The following CD163L1 variants were observed in gnomAD, a reference collection of about 807,000 sequenced individuals.
The protein encoded by CD163L1 is scavenger receptor cysteine-rich type 1 protein M160.
Under a neutral mutation model 165.4 loss-of-function variants are expected in CD163L1, and 124 were observed. The observed-to-expected ratio is 0.75, with a 90% CI of 0.65 to 0.87. The LOEUF (loss-of-function observed/expected upper bound fraction) is 0.87, where lower values mean the gene tolerates loss of function less well. Ranked by LOEUF, CD163L1 falls within the 40% of genes least tolerant of loss-of-function variation. The probability of loss-of-function intolerance (pLI) is 0.00; values close to 1 mark genes in which losing one functional copy is unlikely to be tolerated. For synonymous variants in CD163L1, 585 were observed against 662.2 expected, an observed-to-expected ratio of 0.88 and a Z score of 1.79; for missense variants, 1,525 against 1,799.9, an observed-to-expected ratio of 0.85 and a Z score of 2.76.
At chr12:7,324,597 A>G in the CD163L1 span, 1 of 1,613,722 alleles carries the variant, frequency 6.2e-7, no homozygotes, top group Non-Finnish European at 8.5e-7. Context: ...ATCCGCGGAG[A>G]GGTAGATGAA....
At chr12:7,438,364 TAC>T (rs1948767749) in intron 2 of CD163L1, among the ~76,000 whole-genome samples, 1 of 152,200 alleles carries the variant, frequency 6.6e-6, no homozygotes, top group Non-Finnish European at 1.5e-5. Flanking sequence ...CTCTATTAAA[TAC>T]ATTTTTATAA....
At chr12:7,326,390 T>C in the CD163L1 span, among the ~76,000 whole-genome samples, 6 of 152,152 alleles carry the variant, frequency 3.9e-5, no homozygotes, top group Non-Finnish European at 7.4e-5. Context: ...TTTAAGTCTT[T>C]GTAGAGATGG....
intron 2 of CD163L1, among the ~76,000 whole-genome samples, chr12:7,435,859 A>G (rs1446771152): frequency 1.3e-5 from 2 of 152,172 alleles, no homozygotes; most frequent in East Asian, 1.9e-4. Flanking sequence ...ATTTTACTTA[A>G]CGAAAACTTA....
At chr12:7,337,502 G>A in the CD163L1 span, among the ~76,000 whole-genome samples, 1 of 152,084 alleles carries the variant, frequency 6.6e-6, no homozygotes, top group East Asian at 1.9e-4. Context: ...ATCAAAAAGT[G>A]GGCAAAGGAT....
In CD163L1 at chr12:7,369,545, C is replaced by A. The variant is rs765506613; in HGVS notation, c.3851G>T (p.Cys1284Phe). ...SWDLAEAEVV[C>F]QQLGCGSALA... ...AGCAGAGCCACAGCCCAGCTGCTGA[C>A]ACACCACTTCCGCCTCGGCCAGGTC... Residue 1284 changes from cysteine (C) to phenylalanine (F), a missense_variant, in exon 15 of 20, where the codon TGT becomes TTT. Transcript: ENST00000313599. The surrounding 1 kb of genome is among the most constrained non-coding windows in gnomAD (Gnocchi z 4.9). 6.2e-7 allele frequency: 1 copy of A among 1,614,196 alleles called. No individual in the cohort carries two copies. The highest frequency in any genetic ancestry group is 8.5e-7 in the Non-Finnish European group (1 of 1,180,038).
intron 6 of CD163L1, among the ~76,000 whole-genome samples, chr12:7,402,823 G>C (rs921260542): frequency 1.3e-5 from 2 of 151,788 alleles, no homozygotes; most frequent in South Asian, 4.2e-4. Flanking sequence ...TTTTGCAGAG[G>C]GAGTCTTGCT....
intron 9 of CD163L1, among the ~76,000 whole-genome samples, chr12:7,377,926 G>T (rs2136438262): frequency 6.6e-6 from 1 of 152,118 alleles, no homozygotes; most frequent in South Asian, 2.1e-4. Flanking sequence ...ACATATGTAG[G>T]ACTCTAATAG....
chr12:7,421,606 CATATACATATAT>C (rs1565810767), intron 4 of CD163L1, among the ~76,000 whole-genome samples: 7 of 3,666 alleles, frequency 1.9e-3, no homozygotes, highest in Non-Finnish European at 6.6e-3. Flanking sequence ...TATATGTACA[CATATACATATAT>C]GTACATATAT....
rs1947251275 is a variant in CD163L1 at position 7,375,609 on chromosome 12, A to G, written c.2687-14T>C. 1.2e-6 allele frequency: 2 copies of G among 1,611,186 alleles called. No individual in the cohort carries two copies. The highest frequency in any genetic ancestry group is 1.7e-5 in the Admixed American group (1 of 59,978). The stretch of plus-strand genomic sequence containing the variant: ...CATCTGTATATCCTAGGAGGAGACA[A>G]GGCCATAGAAGAGACATCATGACTT... On this transcript the variant is annotated splice_polypyrimidine_tract_variant and intron_variant, in intron 10 of 19. Transcript: ENST00000313599.
chr12:7,390,241 AC>A (rs989010220), intron 8 of CD163L1, among the ~76,000 whole-genome samples: 1 of 151,924 alleles, frequency 6.6e-6, no homozygotes, highest in Non-Finnish European at 1.5e-5. Flanking sequence ...GTTAATAGGT[AC>A]AAACATACAG....
intron 6 of CD163L1, among the ~76,000 whole-genome samples, chr12:7,401,044 G>A (rs1412129500): frequency 3.3e-5 from 5 of 152,056 alleles, no homozygotes; most frequent in African/African-American, 9.7e-5. Flanking sequence ...TTGTTATCAA[G>A]GAAGTAAGAT....
intron 6 of CD163L1, among the ~76,000 whole-genome samples, chr12:7,399,178 C>T (rs765950577): frequency 6.6e-6 from 1 of 151,372 alleles, no homozygotes; most frequent in Non-Finnish European, 1.5e-5. Context: ...CTTCCGCCCT[C>T]CCTCTTTTCT....
chr12:7,369,088 G>A lies in CD163L1; in HGVS notation c.4040-123C>T. 1 of 1,135,268 alleles carries A rather than the reference G, an allele frequency of 8.8e-7. No homozygotes were observed. Among genetic ancestry groups the A allele is most frequent in the Non-Finnish European group, 1.3e-6 (1 of 783,270 alleles). The allele number at this position is 1,135,268 out of a possible 1,614,324, so 70.3% of individuals were successfully genotyped here. On this transcript the variant is annotated intron_variant, in intron 15 of 19. Coordinates refer to ENST00000313599, the MANE Select transcript of CD163L1 (RefSeq NM_174941.6). This position sits in a 1 kb window ranked among gnomAD's most constrained non-coding sequence, Gnocchi z 4.9. ...CCTTTTAACATCTCCTGTGAATACTGGATGTCATTTAAAATATCAGTCAGA... is the reference window on the plus strand; with the variant it reads ...CCTTTTAACATCTCCTGTGAATACTAGATGTCATTTAAAATATCAGTCAGA...
chr12:7,365,512 C>T (rs145352223), intron 18 of CD163L1, among the ~76,000 whole-genome samples: 2 of 152,000 alleles, frequency 1.3e-5, no homozygotes, highest in Non-Finnish European at 2.9e-5. Flanking sequence ...TTAAACTATC[C>T]AACTAATAAC....
intron 10 of CD163L1, 47 bp downstream of exon 10, chr12:7,375,653 C>T (rs1448654541): frequency 3.7e-6 from 6 of 1,610,446 alleles, no homozygotes; most frequent in Non-Finnish European, 5.1e-6. Flanking sequence ...CAGCCCCAAA[C>T]TCCCCATCTC....
At position 7,371,882 on chromosome 12, in the gene CD163L1, T is replaced by G. The variant is rs904419259; in HGVS notation, c.3730+1438A>C. 2.7e-4 allele frequency among the ~76,000 whole-genome samples: 41 copies of G among 151,976 alleles called. No individual in the cohort carries two copies. The East Asian group carries it at 3.1e-3, about 11-fold the overall frequency. On this transcript the variant is annotated intron_variant, in intron 14 of 19. Transcript: ENST00000313599. ...CATTTTGCAATAAAATATATGAATA[T>G]ATATAAAATATATACACACATATGA...
chr12:7,412,978 C>A (rs183753442), intron 4 of CD163L1, among the ~76,000 whole-genome samples: 1 of 151,590 alleles, frequency 6.6e-6, no homozygotes, highest in African/African-American at 2.4e-5. Flanking sequence ...TGCCTATAAT[C>A]CCAGCCACTC....
intron 4 of CD163L1, among the ~76,000 whole-genome samples, chr12:7,427,390 T>A (rs1442821728): frequency 3.3e-5 from 5 of 152,146 alleles, no homozygotes; most frequent in Non-Finnish European, 7.4e-5. Context: ...TGGATTAAAA[T>A]AATTAATATT....
intron 6 of CD163L1, 53 bp downstream of exon 6, chr12:7,403,481 CA>C: frequency 6.6e-7 from 1 of 1,509,076 alleles, no homozygotes; most frequent in Non-Finnish European, 8.9e-7. Context: ...AACCTCCCAA[CA>C]GATTATTTCT....
Sources: allele counts gnomAD v4.1 joint callset (sites outside exome capture counted in the v4.1 genomes callset), GRCh38; gene constraint gnomAD v4.1.1; non-coding constraint Gnocchi (gnomAD v3.1); transcripts MANE v1.5; gene names NCBI Gene and HGNC (gene_info 2026-07-23, HGNC 2026-07-21).